Variants in CADM2 observed in about 807,000 individuals in gnomAD.
CADM2 encodes immunoglobulin superfamily member 4D.
A neutral mutation model predicts 49.8 loss-of-function variants in CADM2; 12 were observed. The ratio of observed to expected loss-of-function variants is 0.24; its 90% CI spans 0.15 to 0.39. The LOEUF (loss-of-function observed/expected upper bound fraction) is 0.39. Ranked by LOEUF, CADM2 falls within the 10% of genes least tolerant of loss-of-function variation. The probability of loss-of-function intolerance (pLI) is 1.00; values close to 1 mark genes in which losing one functional copy is unlikely to be tolerated. For missense variants in CADM2, 378 were observed against 492.3 expected, an observed-to-expected ratio of 0.77 and a Z score of 2.20; for synonymous variants, 214 against 175.4, an observed-to-expected ratio of 1.22 and a Z score of -1.74.
intron 2 of CADM2, among the ~76,000 whole-genome samples, chr3:85,742,751 G>T (rs561266322): frequency 2.1e-4 from 32 of 152,118 alleles, no homozygotes; most frequent in African/African-American, 7.2e-4. Flanking sequence ...ATTTCAGGTG[G>T]CAATCCTGTG....
rs1428594796 is a variant in CADM2 at position 85,541,777 on chromosome 3, A to AT, written c.62-184744dup. On this transcript the variant is annotated intron_variant, in intron 1 of 9. Transcript: ENST00000383699. ...ATTTTATATATATATTTTATATTTTATATATATATATATATATGTATAGTG... is the reference window on the plus strand; with the variant it reads ...ATTTTATATATATATTTTATATTTTATTATATATATATATATATGTATAGTG... Among the ~76,000 whole-genome samples the AT allele has an allele frequency of 1.2e-3, 25 of 20,332 alleles. 3 individuals carry two copies. The highest frequency in any genetic ancestry group is 4.8e-3 in the African/African-American group (25 of 5,180). 13.3% of individuals were successfully genotyped at this position (20,332 alleles called of 152,430 possible).
At chr3:85,353,100 A>G (rs2031508985) in intron 1 of CADM2, among the ~76,000 whole-genome samples, 1 of 152,140 alleles carries the variant, frequency 6.6e-6, no homozygotes, top group African/African-American at 2.4e-5. Context: ...TTCTAGTAAA[A>G]TGATTTGTTG....
intron 1 of CADM2, among the ~76,000 whole-genome samples, chr3:85,617,799 G>C (rs527587452): frequency 6.6e-6 from 1 of 152,150 alleles, no homozygotes; most frequent in Middle Eastern, 3.4e-3. Flanking sequence ...GGAGCTGTAT[G>C]GTAGGATATG....
chr3:85,376,797 G>A (rs768074324), intron 1 of CADM2, among the ~76,000 whole-genome samples: 6 of 151,770 alleles, frequency 4.0e-5, no homozygotes, highest in Non-Finnish European at 7.4e-5. Context: ...GAGTAATTTT[G>A]CTTTTAAAAT....
chr3:85,631,225 A>C (rs547507104), intron 1 of CADM2, among the ~76,000 whole-genome samples: 2 of 152,064 alleles, frequency 1.3e-5, no homozygotes, highest in Admixed American at 1.3e-4. Context: ...TACCTGAACT[A>C]TCTCCCACTC....
intron 1 of CADM2, among the ~76,000 whole-genome samples, chr3:85,388,369 C>A (rs534662083): frequency 6.6e-6 from 1 of 152,206 alleles, no homozygotes; most frequent in Admixed American, 6.5e-5. Context: ...ATATGTTTGG[C>A]CATGTGGTTT....
intron 1 of CADM2, among the ~76,000 whole-genome samples, chr3:85,547,496 GA>G (rs5850691): frequency 0.51 from 77,901 of 151,962 alleles, 23,053 homozygotes; most frequent in East Asian, 0.85. Flanking sequence ...GATATGGTGG[GA>G]AAAAAAGCTG....
chr3:85,153,596 G>A (rs2107651402), intron 1 of CADM2, among the ~76,000 whole-genome samples: 1 of 152,308 alleles, frequency 6.6e-6, no homozygotes, highest in East Asian at 1.9e-4. Context: ...CACAGCTCAA[G>A]GAGGCCTGCC....
At position 85,312,808 on chromosome 3, in the gene CADM2, C is replaced by G. The variant is rs180998058; in HGVS notation, c.61+353140C>G. ...TGAATTTTAAGAGTGCATACTGGCT[C>G]TAAAACCTCAGGACATTATTAATAA... On this transcript the variant is annotated intron_variant, in intron 1 of 9. Transcript: ENST00000383699. Among the ~76,000 whole-genome samples the G allele has an allele frequency of 1.8e-3, 273 of 152,206 alleles. 1 individual carries two copies. The highest frequency in any genetic ancestry group is 2.9e-3 in the Non-Finnish European group (195 of 68,012).
chr3:85,527,764 A>G (rs1204466738), intron 1 of CADM2, among the ~76,000 whole-genome samples: 5 of 152,234 alleles, frequency 3.3e-5, no homozygotes, highest in African/African-American at 1.2e-4. Context: ...GGCAAATGCC[A>G]TAACTACTCT....
At chr3:85,464,296 A>G (rs2107595960) in intron 1 of CADM2, among the ~76,000 whole-genome samples, 1 of 152,258 alleles carries the variant, frequency 6.6e-6, no homozygotes, top group South Asian at 2.1e-4. Context: ...GATCACATCA[A>G]TCTAAAACTT....
chr3:85,568,616 T>TTC (rs2062387156), intron 1 of CADM2, among the ~76,000 whole-genome samples: 2 of 146,524 alleles, frequency 1.4e-5, no homozygotes, highest in Non-Finnish European at 3.0e-5. Flanking sequence ...CTCTTTCTTT[T>TTC]TTTTTTTTTT....
intron 1 of CADM2, among the ~76,000 whole-genome samples, chr3:85,331,651 G>T (rs1411215942): frequency 1.3e-5 from 2 of 151,894 alleles, no homozygotes; most frequent in Non-Finnish European, 2.9e-5. Context: ...CATTGAGATT[G>T]CTGTATGACA....
intron 1 of CADM2, among the ~76,000 whole-genome samples, chr3:85,643,189 T>G (rs2064777573): frequency 6.6e-6 from 1 of 152,192 alleles, no homozygotes; most frequent in African/African-American, 2.4e-5. Flanking sequence ...GCTTGTTTAA[T>G]GTAGCACGTA....
At chr3:85,040,060 A>C (rs183171444) in intron 1 of CADM2, among the ~76,000 whole-genome samples, 1 of 152,360 alleles carries the variant, frequency 6.6e-6, no homozygotes, top group Non-Finnish European at 1.5e-5. Context: ...AATGAGAAAT[A>C]TAAGCACACA....
In CADM2 at chr3:86,066,332, C is replaced by CAAAAAAAAAAAAAAAAAAAAAAA. The variant is rs10663610; in HGVS notation, c.1097-329_1097-307dup. Among the ~76,000 whole-genome samples the CAAAAAAAAAAAAAAAAAAAAAAA allele has an allele frequency of 2.0e-4, 6 of 30,362 alleles. 1 individual carries two copies. The highest frequency in any genetic ancestry group is 1.3e-3 in the African/African-American group (6 of 4,676). The allele number at this position is 30,362 out of a possible 152,430, so 19.9% of individuals were successfully genotyped here. On this transcript the variant is annotated intron_variant, in intron 9 of 9. Coordinates refer to ENST00000383699, the MANE Select transcript of CADM2 (RefSeq NM_001167675.2). ...TGGGCGAGAGAGCGAGACTCCGTCT[C>CAAAAAAAAAAAAAAAAAAAAAAA]AAAAAAAAAAAAAAAAAAAAAAAAA...
chr3:85,965,258 A>C (rs1725330910), intron 8 of CADM2, among the ~76,000 whole-genome samples: 1 of 148,258 alleles, frequency 6.7e-6, no homozygotes, highest in Admixed American at 6.8e-5. Flanking sequence ...ACTATTATTT[A>C]TAAATATTAT....
At position 85,156,497 on chromosome 3, in the gene CADM2, A is replaced by G. The variant is rs540650194; in HGVS notation, c.61+196829A>G. 7.9e-5 allele frequency among the ~76,000 whole-genome samples: 12 copies of G among 152,180 alleles called. No individual in the cohort carries two copies. In the South Asian group the frequency reaches 2.1e-3, roughly 26 times the overall value. ...GGCAATAATCAATAGCTTACCAACCAAAAAGAGTCCAGGACCAGATGGATT... is the reference window on the plus strand; with the variant it reads ...GGCAATAATCAATAGCTTACCAACCGAAAAGAGTCCAGGACCAGATGGATT... On this transcript the variant is annotated intron_variant, in intron 1 of 9. Coordinates refer to ENST00000383699, the MANE Select transcript of CADM2 (RefSeq NM_001167675.2).
chr3:85,059,200 C>T (rs1260624984), intron 1 of CADM2, among the ~76,000 whole-genome samples: 2 of 151,736 alleles, frequency 1.3e-5, no homozygotes, highest in East Asian at 3.9e-4. Context: ...GATCGCGCCA[C>T]TGCACTCCAG....
Sources: gnomAD v4.1 joint callset for allele counts (sites outside exome capture counted in the v4.1 genomes callset) on GRCh38, gnomAD v4.1.1 for gene constraint, MANE v1.5 for transcripts, NCBI Gene and HGNC (gene_info 2026-07-23, HGNC 2026-07-21) for gene names.